Variants in PIK3CA observed in about 807,000 individuals in gnomAD.
PIK3CA encodes the protein phosphatidylinositol-4,5-bisphosphate 3-kinase catalytic subunit alpha, also known as phosphatidylinositol 4,5-bisphosphate 3-kinase catalytic subunit alpha isoform.
In PIK3CA, 27 loss-of-function variants were observed where a neutral mutation model predicts 138.2. The observed-to-expected ratio is 0.20, with a 90% CI of 0.14 to 0.27. The LOEUF is 0.27. Ranked by LOEUF, PIK3CA falls within the 10% of genes least tolerant of loss-of-function variation. PIK3CA has a pLI of 1.00. For missense variants in PIK3CA, 544 were observed against 1,277.4 expected, an observed-to-expected ratio of 0.43 and a Z score of 8.75; for synonymous variants, 358 against 413.2, an observed-to-expected ratio of 0.87 and a Z score of 1.62.
chr3:179,206,951 T>C (rs1383776463), intron 6 of PIK3CA, among the ~76,000 whole-genome samples: 1 of 151,860 alleles, frequency 6.6e-6, no homozygotes, highest in African/African-American at 2.4e-5. Flanking sequence ...GATAAACTTA[T>C]TTAATAATAT....
chr3:179,162,942 T>G (rs912110638), intron 1 of PIK3CA, among the ~76,000 whole-genome samples: 1 of 152,120 alleles, frequency 6.6e-6, no homozygotes, highest in Admixed American at 6.5e-5. Context: ...AGGTATCTTT[T>G]GAGTGGAAAA....
At chr3:179,231,776 G>GGGACTA (rs1725218786) in intron 20 of PIK3CA, among the ~76,000 whole-genome samples, 1 of 151,338 alleles carries the variant, frequency 6.6e-6, no homozygotes. Context: ...CCAAGTAGCT[G>GGGACTA]GGACTACAGG....
rs1378293927 is a variant in PIK3CA at position 179,225,180 on chromosome 3, A to T, written c.2416+359A>T. Among the ~76,000 whole-genome samples the T allele has an allele frequency of 4.0e-5, 6 of 151,830 alleles. No individual in the cohort carries two copies. The East Asian group carries it at 1.2e-3, about 29-fold the overall frequency. On this transcript the variant is annotated intron_variant, in intron 16 of 20. Coordinates refer to ENST00000263967, the MANE Select transcript of PIK3CA (RefSeq NM_006218.4). ...CATTTGCTTAGCTGTGTGAGTATCC[A>T]TTCATTCCATAAATATTCTATGTGC...
chr3:179,165,151 T>C (rs931808416), intron 1 of PIK3CA, among the ~76,000 whole-genome samples: 4 of 152,188 alleles, frequency 2.6e-5, no homozygotes, highest in Admixed American at 2.6e-4. Flanking sequence ...TGTGCTATTA[T>C]AAATAGGCTG....
At position 179,230,112 on chromosome 3, in the gene PIK3CA, C is replaced by T. The variant is rs769962451; in HGVS notation, c.2775C>T (p.Asp925=). The T allele has an allele frequency of 1.0e-5, 16 of 1,607,066 alleles. No individual in the cohort carries two copies. Among genetic ancestry groups the T allele is most frequent in the African/African-American group, 1.3e-5 (1 of 74,682 alleles). ...DRHNSNIMVK[D]DGQLFHIDFG... ...ACAATAGTAACATCATGGTGAAAGACGATGGACAAGTAATGGTTTTCTCTG... is the reference window on the plus strand; with the variant it reads ...ACAATAGTAACATCATGGTGAAAGATGATGGACAAGTAATGGTTTTCTCTG... Residue 925 remains aspartate, a synonymous_variant, in exon 19 of 21, where the codon GAC becomes GAT. Coordinates refer to ENST00000263967, the MANE Select transcript of PIK3CA (RefSeq NM_006218.4). The surrounding 1 kb of genome is among the most constrained non-coding windows in gnomAD (Gnocchi z 5.4).
At chr3:179,182,549 C>G (rs1038418898) in intron 1 of PIK3CA, among the ~76,000 whole-genome samples, 3 of 152,106 alleles carry the variant, frequency 2.0e-5, no homozygotes, top group Admixed American at 1.3e-4. Flanking sequence ...ACAGGTAGTC[C>G]TAGTTCCTAG....
At chr3:179,158,506 A>G (rs1407445406) in intron 1 of PIK3CA, among the ~76,000 whole-genome samples, 3 of 151,820 alleles carry the variant, frequency 2.0e-5, no homozygotes, top group African/African-American at 4.8e-5. Context: ...TCTTTTTTTC[A>G]TGCACTAAAG....
intron 1 of PIK3CA, among the ~76,000 whole-genome samples, chr3:179,175,845 T>C (rs1723684399): frequency 6.6e-6 from 1 of 152,188 alleles, no homozygotes; most frequent in Non-Finnish European, 1.5e-5. Context: ...TTCTGTTTCA[T>C]TTTGGTCTCA....
chr3:179,179,221 G>A (rs1358710082), intron 1 of PIK3CA, among the ~76,000 whole-genome samples: 1 of 152,168 alleles, frequency 6.6e-6, no homozygotes, highest in African/African-American at 2.4e-5. Context: ...TTTGATAGCC[G>A]ATGCTGGAAA....
chr3:179,196,150 C>G (rs143295797), intron 1 of PIK3CA, among the ~76,000 whole-genome samples: 2 of 152,278 alleles, frequency 1.3e-5, no homozygotes, highest in African/African-American at 2.4e-5. Context: ...CTTGGTAATA[C>G]TTAGGGAACA....
intron 1 of PIK3CA, among the ~76,000 whole-genome samples, chr3:179,148,989 C>T (rs1221856840): frequency 1.3e-5 from 2 of 152,094 alleles, no homozygotes; most frequent in African/African-American, 4.8e-5. Flanking sequence ...GAGGGGCTGC[C>T]GCGAGGACTG....
At chr3:179,231,361 T>A (rs1725206864) in intron 20 of PIK3CA, among the ~76,000 whole-genome samples, 1 of 152,136 alleles carries the variant, frequency 6.6e-6, no homozygotes, top group South Asian at 2.1e-4. Flanking sequence ...TTTAGTTCTT[T>A]AAGAAATCTC....
intron 4 of PIK3CA, among the ~76,000 whole-genome samples, chr3:179,203,142 G>A (rs1415252925): frequency 6.6e-6 from 1 of 151,486 alleles, no homozygotes; most frequent in East Asian, 1.9e-4. Context: ...GGGTTTCACC[G>A]TTTTAGCCAG....
At chr3:179,199,942 G>T (rs1013982548) in intron 3 of PIK3CA, 43 bp downstream of exon 3, 1 of 1,172,594 alleles carries the variant, frequency 8.5e-7, no homozygotes, top group Non-Finnish European at 1.3e-6. Context: ...CTATAGTGCA[G>T]TCTTCTACCT....
At chr3:179,152,671 C>G (rs182092717) in intron 1 of PIK3CA, among the ~76,000 whole-genome samples, 2 of 152,018 alleles carry the variant, frequency 1.3e-5, no homozygotes, top group South Asian at 4.1e-4. Context: ...AGTGTTAGAT[C>G]TCATGAGTGG....
intron 14 of PIK3CA, among the ~76,000 whole-genome samples, chr3:179,223,176 T>C (rs370478361): frequency 3.3e-4 from 51 of 152,350 alleles, no homozygotes; most frequent in African/African-American, 1.2e-3. Flanking sequence ...ACAAGAGCTA[T>C]CTAGTCAGTG....
At chr3:179,177,979 C>T (rs983414684) in intron 1 of PIK3CA, among the ~76,000 whole-genome samples, 2 of 151,662 alleles carry the variant, frequency 1.3e-5, no homozygotes, top group African/African-American at 4.8e-5. Context: ...GTGGTTTACA[C>T]CTTTAATCCC....
intron 1 of PIK3CA, among the ~76,000 whole-genome samples, chr3:179,179,416 G>A (rs1042525468): frequency 6.6e-6 from 1 of 152,160 alleles, no homozygotes; most frequent in African/African-American, 2.4e-5. Flanking sequence ...TATACACTGT[G>A]ATTCAATTTA....
At chr3:179,159,808 A>G (rs1365012797) in intron 1 of PIK3CA, among the ~76,000 whole-genome samples, 1 of 152,202 alleles carries the variant, frequency 6.6e-6, no homozygotes, top group Non-Finnish European at 1.5e-5. Context: ...CTAAACACCT[A>G]TGCTATCTGG....
Sources: gnomAD v4.1 joint callset for allele counts (sites outside exome capture counted in the v4.1 genomes callset) on GRCh38, gnomAD v4.1.1 for gene constraint, Gnocchi (gnomAD v3.1) non-coding constraint, MANE v1.5 for transcripts, NCBI Gene and HGNC (gene_info 2026-07-23, HGNC 2026-07-21) for gene names.